SPATS2L: variants seen among roughly 807,000 people sequenced by gnomAD.
The protein encoded by SPATS2L is SPATS2-like protein.
SPATS2L carries 30 observed loss-of-function variants against 59.6 expected under a neutral mutation model. That is an observed-to-expected ratio of 0.50 (90% CI 0.38 to 0.68). The LOEUF (loss-of-function observed/expected upper bound fraction) is 0.68. Among genes scored for constraint, SPATS2L ranks in the 30% least tolerant of loss-of-function variants. The pLI, the probability that SPATS2L is intolerant of heterozygous loss-of-function variation, is 0.00. For missense variants in SPATS2L, 615 were observed against 700.0 expected (o/e 0.88, Z 1.37); for synonymous variants, 252 against 263.5 (o/e 0.96, Z 0.42).
chr2:200,356,996 G>C (rs2080939081), intron 2 of SPATS2L, among the ~76,000 whole-genome samples: 1 of 152,190 alleles, frequency 6.6e-6, no homozygotes, highest in African/African-American at 2.4e-5. Context: ...CAGCACTGCT[G>C]CATTGGGGAT....
chr2:200,356,694 C>T (rs981656555), intron 2 of SPATS2L, among the ~76,000 whole-genome samples: 6 of 152,078 alleles, frequency 3.9e-5, no homozygotes, highest in African/African-American at 7.2e-5. Context: ...TGACTAATAA[C>T]GCTTTAGGGA....
intron 1 of SPATS2L, among the ~76,000 whole-genome samples, chr2:200,312,286 C>T (rs1163158432): frequency 6.6e-6 from 1 of 152,106 alleles, no homozygotes; most frequent in Non-Finnish European, 1.5e-5. Context: ...AGAGGTGCAC[C>T]CCAGATTGTG....
chr2:200,394,413 T>G (rs1007256147), intron 3 of SPATS2L, among the ~76,000 whole-genome samples: 1 of 152,220 alleles, frequency 6.6e-6, no homozygotes, highest in Non-Finnish European at 1.5e-5. Context: ...TGTACTTCTG[T>G]GGGCTTCTCT....
chr2:200,430,865 C>T (rs1003315867), intron 6 of SPATS2L, among the ~76,000 whole-genome samples: 2 of 151,792 alleles, frequency 1.3e-5, no homozygotes, highest in Admixed American at 1.3e-4. Flanking sequence ...TTACAGGCGC[C>T]TGCCACCACT....
intron 2 of SPATS2L, among the ~76,000 whole-genome samples, chr2:200,333,504 T>A (rs143779722): frequency 2.6e-5 from 4 of 151,932 alleles, no homozygotes; most frequent in Non-Finnish European, 5.9e-5. Context: ...TTTTATTTTA[T>A]TTTATTTTTT....
intron 2 of SPATS2L, among the ~76,000 whole-genome samples, chr2:200,330,921 A>T (rs2079923034): frequency 6.6e-6 from 1 of 152,236 alleles, no homozygotes; most frequent in Non-Finnish European, 1.5e-5. Flanking sequence ...GTGACATTAG[A>T]CATCCCTTCT....
intron 8 of SPATS2L, among the ~76,000 whole-genome samples, chr2:200,453,203 G>A (rs1354938121): frequency 6.6e-6 from 1 of 152,202 alleles, no homozygotes; most frequent in Non-Finnish European, 1.5e-5. Flanking sequence ...CCAGCATAGA[G>A]GGTGCAGGAG....
At chr2:200,462,107 T>G (rs934400070) in intron 9 of SPATS2L, among the ~76,000 whole-genome samples, 2 of 152,232 alleles carry the variant, frequency 1.3e-5, no homozygotes, top group Admixed American at 6.5e-5. Context: ...CAAGTATAGC[T>G]TACTTCAGTT....
chr2:200,405,153 G>A (rs190835364), intron 3 of SPATS2L, among the ~76,000 whole-genome samples: 6 of 152,158 alleles, frequency 3.9e-5, no homozygotes, highest in Admixed American at 2.6e-4. Context: ...ATTTACATCA[G>A]CTGGGAGCTG....
intron 9 of SPATS2L, among the ~76,000 whole-genome samples, chr2:200,466,190 A>G (rs911920658): frequency 6.6e-6 from 1 of 152,202 alleles, no homozygotes; most frequent in African/African-American, 2.4e-5. Flanking sequence ...CAGAAATCAT[A>G]TTGTTTGGAC....
intron 2 of SPATS2L, among the ~76,000 whole-genome samples, chr2:200,379,373 C>T (rs2081718734): frequency 2.0e-5 from 3 of 152,190 alleles, no homozygotes; most frequent in Admixed American, 6.5e-5. Flanking sequence ...ATACATGGAA[C>T]GTGCTTAGAG....
At chr2:200,405,926 C>T (rs183380548) in intron 3 of SPATS2L, among the ~76,000 whole-genome samples, 274 of 152,272 alleles carry the variant, frequency 1.8e-3, no homozygotes, top group Admixed American at 2.8e-3. Flanking sequence ...GGGCTTGAAT[C>T]CATTAAGCTT....
Position 200,479,344 on chromosome 2 carries a change from C to T in SPATS2L, c.*1313C>T. 2.6e-6 allele frequency: 1 copy of T among 390,160 alleles called. No individual in the cohort carries two copies. The allele number at this position is 390,160 out of a possible 1,614,324, so 24.2% of individuals were successfully genotyped here. Reference sequence around the variant, plus strand: ...CAGAGGAGAGAAGTTATCCTAGTAGCTTCTACACAGAGCAAGTGTCTTTCT... The same window carrying T: ...CAGAGGAGAGAAGTTATCCTAGTAGTTTCTACACAGAGCAAGTGTCTTTCT... On this transcript the variant is annotated 3_prime_UTR_variant, in exon 13 of 13. Transcript: ENST00000409140.
chr2:200,476,909 A>G (rs12475663), intron 12 of SPATS2L, among the ~76,000 whole-genome samples: 74,812 of 152,002 alleles, frequency 0.49, 19,641 homozygotes, highest in Middle Eastern at 0.68. Flanking sequence ...GGCTCTCAGC[A>G]GGAGGGAGAG....
intron 8 of SPATS2L, among the ~76,000 whole-genome samples, chr2:200,442,228 G>A (rs1055505284): frequency 1.3e-5 from 2 of 152,150 alleles, no homozygotes; most frequent in African/African-American, 2.4e-5. Context: ...CTATACAAAT[G>A]AAAATTGTTA....
chr2:200,313,166 C>G (rs962838189), intron 1 of SPATS2L, among the ~76,000 whole-genome samples: 2 of 152,178 alleles, frequency 1.3e-5, no homozygotes, highest in African/African-American at 4.8e-5. Context: ...TCGGTCTGCA[C>G]AGAAACCAAC....
At chr2:200,317,636 T>C (rs2079423606) in intron 1 of SPATS2L, among the ~76,000 whole-genome samples, 1 of 152,230 alleles carries the variant, frequency 6.6e-6, no homozygotes, top group African/African-American at 2.4e-5. Context: ...ATTCTCCCTA[T>C]GCTTTGCATT....
chr2:200,329,514 T>C, intron 2 of SPATS2L, 34 bp downstream of exon 2: 1 of 1,534,626 alleles, frequency 6.5e-7, no homozygotes, highest in Non-Finnish European at 8.8e-7. Context: ...CTCTGTGACC[T>C]CCTCCTGCTG....
intron 2 of SPATS2L, among the ~76,000 whole-genome samples, chr2:200,378,854 A>G (rs2081694623): frequency 2.6e-5 from 4 of 152,196 alleles, no homozygotes. Flanking sequence ...TTGCAGAACC[A>G]CAATCCATGT....
Sources: allele counts gnomAD v4.1 joint callset (sites outside exome capture counted in the v4.1 genomes callset), GRCh38; gene constraint gnomAD v4.1.1; transcripts MANE v1.5; gene names NCBI Gene and HGNC (gene_info 2026-07-23, HGNC 2026-07-21).